CIB4: variants seen among roughly 807,000 people sequenced by gnomAD.
The protein encoded by CIB4 is calcium and integrin-binding family member 4.
CIB4 carries 25 observed loss-of-function variants against 25.8 expected under a neutral mutation model. The ratio of observed to expected loss-of-function variants is 0.97; its 90% CI spans 0.71 to 1.35. The LOEUF is 1.35. CIB4 is among the 40% of genes most tolerant of loss of function. The pLI is 0.00. For missense variants in CIB4, 235 were observed against 228.2 expected (o/e 1.03, Z -0.19); for synonymous variants, 75 against 81.4 (o/e 0.92, Z 0.42).
intron 2 of CIB4, among the ~76,000 whole-genome samples, chr2:26,639,506 A>T (rs1373800829): frequency 3.3e-5 from 5 of 151,934 alleles, no homozygotes; most frequent in African/African-American, 1.2e-4. Flanking sequence ...ATTTTTATTC[A>T]TGTGATACTT....
chr2:26,609,517 G>A (rs936405951), intron 3 of CIB4, among the ~76,000 whole-genome samples: 2 of 152,154 alleles, frequency 1.3e-5, no homozygotes, highest in African/African-American at 4.8e-5. Context: ...AAGCAGACAT[G>A]CAGGAGACGG....
At chr2:26,595,516 T>A (rs573311161) in intron 3 of CIB4, among the ~76,000 whole-genome samples, 199 bp from the exon 4 acceptor site, 13 of 152,340 alleles carry the variant, frequency 8.5e-5, no homozygotes, top group African/African-American at 3.1e-4. Flanking sequence ...ATCTTGCAGT[T>A]GGATATGTGA....
intron 3 of CIB4, among the ~76,000 whole-genome samples, chr2:26,604,095 C>T (rs1668845600): frequency 6.6e-6 from 1 of 150,810 alleles, no homozygotes; most frequent in Non-Finnish European, 1.5e-5. Context: ...GAAGAAAAAT[C>T]AGAGCTGGAC....
At chr2:26,629,764 G>T (rs970592197) in intron 2 of CIB4, among the ~76,000 whole-genome samples, 12 of 152,196 alleles carry the variant, frequency 7.9e-5, no homozygotes, top group Admixed American at 4.6e-4. Context: ...GATGAGCCAG[G>T]TGAGAGGAAA....
At chr2:26,635,959 T>A (rs1458590369) in intron 2 of CIB4, among the ~76,000 whole-genome samples, 1 of 152,174 alleles carries the variant, frequency 6.6e-6, no homozygotes, top group Non-Finnish European at 1.5e-5. Context: ...TTACAAATAC[T>A]CCATACCCCA....
intron 2 of CIB4, among the ~76,000 whole-genome samples, chr2:26,634,709 C>T (rs182011069): frequency 9.2e-5 from 14 of 152,210 alleles, no homozygotes; most frequent in African/African-American, 2.4e-4. Flanking sequence ...ACTCCACCTG[C>T]GGCCTTGAGG....
chr2:26,595,057 A>G (rs920721727), intron 4 of CIB4, 119 bp downstream of exon 4: 8 of 970,504 alleles, frequency 8.2e-6, no homozygotes, highest in Non-Finnish European at 1.2e-5. Context: ...ACAGACCCAC[A>G]GATACCCAAG....
chr2:26,587,918 T>C (rs191428131), intron 4 of CIB4, among the ~76,000 whole-genome samples: 2 of 152,340 alleles, frequency 1.3e-5, no homozygotes, highest in African/African-American at 2.4e-5. Flanking sequence ...ACAGGGTCCT[T>C]TGGTGGCAGA....
chr2:26,612,328 T>C (rs1308804351), intron 3 of CIB4, among the ~76,000 whole-genome samples: 1 of 152,252 alleles, frequency 6.6e-6, no homozygotes, highest in Non-Finnish European at 1.5e-5. Flanking sequence ...CATCGCACCA[T>C]CTTTGAGTCT....
At chr2:26,608,860 G>A (rs1464313666) in intron 3 of CIB4, among the ~76,000 whole-genome samples, 1 of 152,088 alleles carries the variant, frequency 6.6e-6, no homozygotes. Flanking sequence ...CCACCCCGGG[G>A]CCCACCCTCT....
rs373109113 is a variant in CIB4 at position 26,632,682 on chromosome 2, C to T, written c.90-3176G>A. ...CTGAGGCAGGAGAATCGCTTGAACT[C>T]GGGAGGTAGAGCTTCCAGTGAGCTG... On this transcript the variant is annotated intron_variant, in intron 2 of 6. Transcript: ENST00000288861. 1.9e-4 allele frequency among the ~76,000 whole-genome samples: 29 copies of T among 151,090 alleles called. 1 individual carries two copies. The South Asian group carries it at 4.0e-3, about 21-fold the overall frequency.
At chr2:26,609,343 C>G (rs997377422) in intron 3 of CIB4, among the ~76,000 whole-genome samples, 1 of 152,028 alleles carries the variant, frequency 6.6e-6, no homozygotes, top group African/African-American at 2.4e-5. Context: ...GATGCAAATG[C>G]TACAAGCCAG....
In CIB4 at chr2:26,637,870, G is replaced by A. The variant is rs572598938; in HGVS notation, c.89+2663C>T. Among the ~76,000 whole-genome samples the A allele has an allele frequency of 1.6e-3, 243 of 152,262 alleles. 1 individual carries two copies. Among genetic ancestry groups the A allele is most frequent in the African/African-American group, 5.2e-3 (217 of 41,542 alleles). ...TCTCACTGGTATCACCTTCCCATTT[G>A]AGAGTTTCTGCACTGCTGTCCCTGG... On this transcript the variant is annotated intron_variant, in intron 2 of 6. Transcript: ENST00000288861.
chr2:26,591,344 G>T (rs550431057), intron 4 of CIB4, among the ~76,000 whole-genome samples: 1 of 152,334 alleles, frequency 6.6e-6, no homozygotes, highest in African/African-American at 2.4e-5. Context: ...CAGGCCATGT[G>T]GGGGCCGGGG....
In CIB4 at chr2:26,581,303, G is replaced by T; in HGVS notation, c.*60C>A. The T allele has an allele frequency of 7.0e-7, 1 of 1,428,354 alleles. No homozygotes were observed. Among genetic ancestry groups the T allele is most frequent in the Non-Finnish European group, 9.9e-7 (1 of 1,010,908 alleles). The allele number at this position is 1,428,354 out of a possible 1,614,324, so 88.5% of individuals were successfully genotyped here. A position where few individuals can be genotyped will look rare whatever the true frequency, so the allele number is the denominator to read the frequency against. On this transcript the variant is annotated 3_prime_UTR_variant, in exon 7 of 7. Transcript: ENST00000288861. ...TTCAAACCAGCTCCCTCCAGTGCTG[G>T]AGGGGGTTCGATTCCTGTGGTCTCC...
chr2:26,635,840 A>G (rs1669522186), intron 2 of CIB4, among the ~76,000 whole-genome samples: 1 of 152,126 alleles, frequency 6.6e-6, no homozygotes, highest in Non-Finnish European at 1.5e-5. Flanking sequence ...CCTTTATTTC[A>G]TAAGAGCAGT....
At chr2:26,615,807 T>TGG in intron 3 of CIB4, among the ~76,000 whole-genome samples, 1 of 152,276 alleles carries the variant, frequency 6.6e-6, no homozygotes, top group East Asian at 1.9e-4. Flanking sequence ...CACTGAGCTT[T>TGG]TTCTGAAACA....
In CIB4 at chr2:26,621,282, A is replaced by T. The variant is rs543826999; in HGVS notation, c.186+8128T>A. Among the ~76,000 whole-genome samples the T allele has an allele frequency of 2.6e-5, 4 of 151,916 alleles. No individual in the cohort carries two copies. The South Asian group carries it at 8.3e-4, about 32-fold the overall frequency. Reference sequence around the variant, plus strand: ...AAAAAAAAAAAAAAACAGGGAATGAAAAAAGATCAGGAAACAGAAAGGCTT... The same window carrying T: ...AAAAAAAAAAAAAAACAGGGAATGATAAAAGATCAGGAAACAGAAAGGCTT... On this transcript the variant is annotated intron_variant, in intron 3 of 6. Transcript: ENST00000288861.
intron 3 of CIB4, chr2:26,605,603 C>T (rs1011945667): frequency 2.1e-6 from 1 of 469,722 alleles, no homozygotes; most frequent in African/African-American, 2.0e-5. Context: ...AGGATTCACC[C>T]TTCAGCACTA....
Sources: allele counts gnomAD v4.1 joint callset (sites outside exome capture counted in the v4.1 genomes callset), GRCh38; gene constraint gnomAD v4.1.1; transcripts MANE v1.5; gene names NCBI Gene and HGNC (gene_info 2026-07-23, HGNC 2026-07-21).